LYPLAL1: variants seen among roughly 807,000 people sequenced by gnomAD.
LYPLAL1 encodes the protein lysophospholipase like 1.
A neutral mutation model predicts 19.7 loss-of-function variants in LYPLAL1; 23 were observed. The ratio of observed to expected loss-of-function variants is 1.17; its 90% CI spans 0.84 to 1.65. The LOEUF (loss-of-function observed/expected upper bound fraction) is 1.65, where lower values mean the gene tolerates loss of function less well. Among genes scored for constraint, LYPLAL1 ranks in the 40% most tolerant of loss-of-function variants. The pLI is 0.00. For missense variants in LYPLAL1, 355 were observed against 279.4 expected (o/e 1.27, Z -1.93); for synonymous variants, 119 against 96.3 (o/e 1.24, Z -1.38).
At chr1:219,299,278 A>G in the LYPLAL1 span, among the ~76,000 whole-genome samples, 1 of 152,118 alleles carries the variant, frequency 6.6e-6, no homozygotes, top group African/African-American at 2.4e-5. Context: ...GGAAGCAGCC[A>G]ATGTGGGACT....
the LYPLAL1 span, among the ~76,000 whole-genome samples, chr1:219,245,175 C>CCCTCCCTT: frequency 3.0e-5 from 4 of 132,500 alleles, no homozygotes; most frequent in African/African-American, 1.2e-4. Context: ...CCTCTTCCAT[C>CCCTCCCTT]CCTTCCTTCC....
chr1:219,287,989 T>C, the LYPLAL1 span, among the ~76,000 whole-genome samples: 7 of 152,192 alleles, frequency 4.6e-5, no homozygotes, highest in Admixed American at 1.3e-4. Context: ...CCATGCTTCT[T>C]GTACAGTCTG....
the LYPLAL1 span, among the ~76,000 whole-genome samples, chr1:219,229,640 A>G: frequency 6.6e-6 from 1 of 152,180 alleles, no homozygotes; most frequent in South Asian, 2.1e-4. Context: ...AAAAGAGCAC[A>G]CTGTAATACA....
At chr1:219,409,236 C>T in the LYPLAL1 span, among the ~76,000 whole-genome samples, 1 of 152,074 alleles carries the variant, frequency 6.6e-6, no homozygotes, top group Admixed American at 6.5e-5. Flanking sequence ...ATCGCTTGAG[C>T]CCAGGGGTTC....
chr1:219,394,035 C>T, the LYPLAL1 span, among the ~76,000 whole-genome samples: 1 of 151,740 alleles, frequency 6.6e-6, no homozygotes, highest in African/African-American at 2.4e-5. Context: ...AAATTGCTTA[C>T]TTCCTACATT....
the LYPLAL1 span, among the ~76,000 whole-genome samples, chr1:219,308,030 A>T: frequency 6.6e-6 from 1 of 152,348 alleles, no homozygotes; most frequent in African/African-American, 2.4e-5. Context: ...TTTGACAAAA[A>T]TACTGATAAT....
the LYPLAL1 span, among the ~76,000 whole-genome samples, chr1:219,367,792 A>C: frequency 6.6e-6 from 1 of 152,172 alleles, no homozygotes; most frequent in Admixed American, 6.5e-5. Flanking sequence ...GTAATGTTTA[A>C]AGTATAACCA....
At chr1:219,387,209 C>T in the LYPLAL1 span, among the ~76,000 whole-genome samples, 1 of 152,168 alleles carries the variant, frequency 6.6e-6, no homozygotes, top group Admixed American at 6.5e-5. Context: ...GCCTGGCATG[C>T]TCTCTGACTA....
chr1:219,222,613 T>G, the LYPLAL1 span: 1 of 152,146 alleles, frequency 6.6e-6, no homozygotes, highest in Non-Finnish European at 1.5e-5. Context: ...CCCCTCATCT[T>G]CCAGTTGTAC....
At chr1:219,402,897 A>G in the LYPLAL1 span, among the ~76,000 whole-genome samples, 9 of 152,206 alleles carry the variant, frequency 5.9e-5, no homozygotes, top group African/African-American at 2.2e-4. Context: ...CAGAGGGAAT[A>G]TAGATATTCC....
At chr1:219,375,787 G>C in the LYPLAL1 span, among the ~76,000 whole-genome samples, 1 of 148,212 alleles carries the variant, frequency 6.7e-6, no homozygotes, top group East Asian at 2.0e-4. Flanking sequence ...TGTCGTCCAG[G>C]CTGGAGTACA....
chr1:219,392,381 T>C, the LYPLAL1 span, among the ~76,000 whole-genome samples: 1 of 152,154 alleles, frequency 6.6e-6, no homozygotes, highest in Non-Finnish European at 1.5e-5. Context: ...TCCTCATTTG[T>C]TTGTATATTT....
the LYPLAL1 span, among the ~76,000 whole-genome samples, chr1:219,305,631 C>A: frequency 6.6e-6 from 1 of 152,106 alleles, no homozygotes; most frequent in Non-Finnish European, 1.5e-5. Flanking sequence ...GGCACAATGG[C>A]AGAAAGTGAT....
the LYPLAL1 span, among the ~76,000 whole-genome samples, chr1:219,364,198 T>C: frequency 3.6e-4 from 55 of 152,272 alleles, no homozygotes; most frequent in African/African-American, 1.3e-3. Context: ...ATAATGTCAT[T>C]GAACAACGCA....
chr1:219,269,983 A>G, the LYPLAL1 span, among the ~76,000 whole-genome samples: 1 of 152,232 alleles, frequency 6.6e-6, no homozygotes, highest in Admixed American at 6.5e-5. Context: ...GGGCTATAAT[A>G]CTTGATTGAG....
chr1:219,302,634 G>A, the LYPLAL1 span, among the ~76,000 whole-genome samples: 1 of 152,110 alleles, frequency 6.6e-6, no homozygotes, highest in Non-Finnish European at 1.5e-5. Context: ...AACGTGTGGA[G>A]GACACATGAG....
At chr1:219,199,700 C>T (rs58370505) in intron 3 of LYPLAL1, among the ~76,000 whole-genome samples, 2,246 of 151,294 alleles carry the variant, frequency 0.015, 59 homozygotes, top group African/African-American at 0.052. Flanking sequence ...CTGCAAGCTC[C>T]GCCTCCTGGG....
chr1:219,407,530 A>C, the LYPLAL1 span, among the ~76,000 whole-genome samples: 1 of 152,216 alleles, frequency 6.6e-6, no homozygotes, highest in Non-Finnish European at 1.5e-5. Flanking sequence ...TGAGCTTGTG[A>C]GCATCAATGT....
chr1:219,260,840 T>C, the LYPLAL1 span, among the ~76,000 whole-genome samples: 53 of 151,868 alleles, frequency 3.5e-4, no homozygotes, highest in African/African-American at 1.3e-3. Flanking sequence ...AAACCTTTAA[T>C]AGTTTTTAGA....
Sources: allele counts gnomAD v4.1 joint callset (sites outside exome capture counted in the v4.1 genomes callset), GRCh38; gene constraint gnomAD v4.1.1; transcripts MANE v1.5; gene names NCBI Gene and HGNC (gene_info 2026-07-23, HGNC 2026-07-21).